The following SETBP1 variants were observed in gnomAD, a reference collection of about 807,000 sequenced individuals.
SETBP1 encodes the protein SET binding protein 1, also known as SET-binding protein.
SETBP1 carries 9 observed loss-of-function variants against 101.0 expected under a neutral mutation model. The ratio of observed to expected loss-of-function variants is 0.09; its 90% confidence interval spans 0.05 to 0.16. SETBP1 has a LOEUF of 0.16. SETBP1 is among the 10% of genes least tolerant of loss of function. SETBP1 has a pLI of 1.00. For missense variants in SETBP1, 1,858 were observed against 2,033.8 expected (o/e 0.91, Z 1.66); for synonymous variants, 818 against 788.5 (o/e 1.04, Z -0.63).
At chr18:45,028,270 T>C (rs2073212816) in intron 4 of SETBP1, among the ~76,000 whole-genome samples, 3 of 151,360 alleles carry the variant, frequency 2.0e-5, no homozygotes, top group South Asian at 4.2e-4. Flanking sequence ...GTTTGGTTTT[T>C]TGTTCTTGTG....
chr18:45,012,216 C>T (rs750202821), intron 4 of SETBP1, among the ~76,000 whole-genome samples: 2 of 152,164 alleles, frequency 1.3e-5, no homozygotes, highest in Non-Finnish European at 2.9e-5. Context: ...GCATGGCACA[C>T]CAGGCAGGGC....
chr18:44,756,783 G>A (rs2070506249), intron 2 of SETBP1, among the ~76,000 whole-genome samples: 1 of 151,970 alleles, frequency 6.6e-6, no homozygotes, highest in African/African-American at 2.4e-5. Context: ...CATTCTCAGT[G>A]CTTCCCAGGA....
intron 3 of SETBP1, among the ~76,000 whole-genome samples, chr18:44,932,304 A>T (rs1197216659): frequency 6.6e-6 from 1 of 152,118 alleles, no homozygotes; most frequent in Admixed American, 6.5e-5. Flanking sequence ...CTGCTGAGAG[A>T]TCCGCTGTTA....
intron 2 of SETBP1, among the ~76,000 whole-genome samples, chr18:44,762,463 G>A (rs1482303284): frequency 6.6e-6 from 1 of 152,228 alleles, no homozygotes; most frequent in Non-Finnish European, 1.5e-5. Flanking sequence ...GGAGGTAGAG[G>A]TGGGAGTGGT....
At chr18:44,791,652 G>A (rs1316984054) in intron 2 of SETBP1, among the ~76,000 whole-genome samples, 3 of 152,036 alleles carry the variant, frequency 2.0e-5, no homozygotes, top group African/African-American at 7.2e-5. Context: ...TTCCTGCTCA[G>A]TTTTAATAGC....
intron 2 of SETBP1, among the ~76,000 whole-genome samples, chr18:44,711,810 G>T (rs1202806505): frequency 1.3e-5 from 2 of 151,836 alleles, no homozygotes; most frequent in Non-Finnish European, 2.9e-5. Context: ...GAAGTGCTGG[G>T]ATTACAGGCC....
chr18:44,723,001 A>G (rs1234400406), intron 2 of SETBP1, among the ~76,000 whole-genome samples: 2 of 152,204 alleles, frequency 1.3e-5, no homozygotes, highest in African/African-American at 4.8e-5. Flanking sequence ...GACATTGGTA[A>G]TTTAACCCAT....
intron 2 of SETBP1, among the ~76,000 whole-genome samples, chr18:44,707,236 G>T (rs1365542220): frequency 6.6e-6 from 1 of 152,202 alleles, no homozygotes; most frequent in African/African-American, 2.4e-5. Flanking sequence ...AGGATCACTA[G>T]AGTGTTTTTT....
intron 2 of SETBP1, among the ~76,000 whole-genome samples, chr18:44,724,547 G>C (rs2069666676): frequency 6.6e-6 from 1 of 152,198 alleles, no homozygotes; most frequent in Admixed American, 6.5e-5. Context: ...CTTTTGATCA[G>C]ATAAGCAAAT....
intron 3 of SETBP1, among the ~76,000 whole-genome samples, chr18:44,930,990 G>T (rs1223466111): frequency 1.3e-5 from 2 of 152,012 alleles, no homozygotes; most frequent in African/African-American, 4.8e-5. Flanking sequence ...GCTTTTGAAT[G>T]TATTTGCTCT....
chr18:45,007,339 T>A (rs2072751176), intron 4 of SETBP1, among the ~76,000 whole-genome samples: 1 of 152,204 alleles, frequency 6.6e-6, no homozygotes, highest in African/African-American at 2.4e-5. Flanking sequence ...TGTCTTCTTC[T>A]AAATGTACTT....
At chr18:44,908,089 C>A (rs2070218144) in intron 3 of SETBP1, among the ~76,000 whole-genome samples, 2 of 151,132 alleles carry the variant, frequency 1.3e-5, no homozygotes, top group African/African-American at 4.9e-5. Context: ...GAGACAGAGT[C>A]TTGCTCTGAC....
chr18:44,873,394 T>C (rs925585735), intron 3 of SETBP1, among the ~76,000 whole-genome samples: 2 of 152,190 alleles, frequency 1.3e-5, no homozygotes, highest in Non-Finnish European at 1.5e-5. Context: ...AAAGTAGCAT[T>C]GTATGCCTGA....
intron 3 of SETBP1, among the ~76,000 whole-genome samples, chr18:44,899,460 C>T (rs2069986300): frequency 6.6e-6 from 1 of 152,136 alleles, no homozygotes; most frequent in Admixed American, 6.5e-5. Flanking sequence ...CAGGCCAGTG[C>T]ATGTTGGCCA....
intron 2 of SETBP1, among the ~76,000 whole-genome samples, chr18:44,772,436 C>A (rs1396695782): frequency 6.6e-6 from 1 of 152,188 alleles, no homozygotes; most frequent in African/African-American, 2.4e-5. Flanking sequence ...CTTTGGAGTC[C>A]TGCCCTGGCC....
chr18:44,857,771 G>A (rs543469297), intron 2 of SETBP1, among the ~76,000 whole-genome samples: 12 of 152,306 alleles, frequency 7.9e-5, no homozygotes, highest in South Asian at 2.1e-4. Flanking sequence ...TCAAGCATAC[G>A]TGTGAGTTCA....
chr18:45,063,857 C>G lies in SETBP1; in HGVS notation c.*159C>G. 1 of 751,682 alleles carries G rather than the reference C, an allele frequency of 1.3e-6. No individual in the cohort carries two copies. Among genetic ancestry groups the G allele is most frequent in the Non-Finnish European group, 2.1e-6 (1 of 473,032 alleles). 46.6% of individuals were successfully genotyped at this position (751,682 alleles called of 1,614,324 possible). On this transcript the variant is annotated 3_prime_UTR_variant, in exon 6 of 6. Transcript: ENST00000649279. ...CGGCCAGACGACGGGGCTGAGCCAT[C>G]AGGAGCTCTTGGGAAAGCAAAGCAG...
intron 4 of SETBP1, among the ~76,000 whole-genome samples, chr18:45,018,835 T>A (rs138589009): frequency 4.4e-4 from 67 of 152,318 alleles, no homozygotes; most frequent in African/African-American, 1.6e-3. Context: ...TACGGAGCTA[T>A]GGCATAGGCT....
rs567927369 is a variant in SETBP1, at chr18:44,802,479, C to T, written c.487-66751C>T. On this transcript the variant is annotated intron_variant, in intron 2 of 5. Transcript: ENST00000649279. ...TATTTGATCTCATTCAACTGGAATG[C>T]TCTCTTTCCTTGTCAGTACCCCATT... 9.2e-5 allele frequency among the ~76,000 whole-genome samples: 14 copies of T among 152,296 alleles called. No homozygotes were observed. The East Asian group carries it at 1.9e-3, about 21-fold the overall frequency.
Sources: allele counts gnomAD v4.1 joint callset (sites outside exome capture counted in the v4.1 genomes callset), GRCh38; gene constraint gnomAD v4.1.1; transcripts MANE v1.5; gene names NCBI Gene and HGNC (gene_info 2026-07-23, HGNC 2026-07-21).